The following SLC25A48 variants were observed in gnomAD, a reference collection of about 807,000 sequenced individuals.
SLC25A48 encodes the protein CTC-321K16.1.
SLC25A48 carries 29 observed loss-of-function variants against 32.2 expected under a neutral mutation model. That is an observed-to-expected ratio of 0.90 (90% confidence interval 0.67 to 1.23). SLC25A48 has a LOEUF of 1.23. SLC25A48 is among the 50% of genes most tolerant of loss of function. The pLI is 0.00. For missense variants in SLC25A48, 399 were observed against 422.7 expected (o/e 0.94, Z 0.49); for synonymous variants, 164 against 172.3 (o/e 0.95, Z 0.38).
At position 135,779,622 on chromosome 5, in the gene SLC25A48, A is replaced by G. The variant is rs1756671325; in HGVS notation, c.-520-32901A>G. 2.6e-5 allele frequency among the ~76,000 whole-genome samples: 3 copies of G among 117,236 alleles called. 1 individual carries two copies. The South Asian group carries it at 9.1e-4, about 35-fold the overall frequency. 76.9% of individuals were successfully genotyped at this position (117,236 alleles called of 152,430 possible). ...CACTCCCTACATAATATTGTTTTTA[A>G]TATCCAGAAGTGGAGAGGATGATAT... On this transcript the variant is annotated intron_variant, in intron 3 of 10. Coordinates refer to the SLC25A48 transcript ENST00000646290.
chr5:135,717,788 C>T (rs561684416), intron 3 of SLC25A48, among the ~76,000 whole-genome samples: 4 of 152,260 alleles, frequency 2.6e-5, no homozygotes, highest in South Asian at 4.1e-4. Context: ...GATTTGATTT[C>T]GGACTTCTTG....
At chr5:135,872,687 G>C (rs983413684) in intron 5 of SLC25A48, 1 of 152,272 alleles carries the variant, frequency 6.6e-6, no homozygotes, top group African/African-American at 2.4e-5. Context: ...GAAGCCAAGA[G>C]AGGATACTTT....
intron 3 of SLC25A48, among the ~76,000 whole-genome samples, chr5:135,785,321 A>G (rs995587681): frequency 1.3e-5 from 2 of 151,918 alleles, no homozygotes; most frequent in African/African-American, 4.8e-5. Context: ...CGTAATCTCC[A>G]GGGAGGGAGG....
chr5:135,874,348 A>T (rs1279200417), intron 6 of SLC25A48, among the ~76,000 whole-genome samples, 194 bp downstream of exon 6: 3 of 152,158 alleles, frequency 2.0e-5, no homozygotes, highest in Non-Finnish European at 4.4e-5. Flanking sequence ...AGTGGAGGAG[A>T]TAGGTATGTG....
At chr5:135,608,026 G>T (rs1751978943) in intron 1 of SLC25A48, among the ~76,000 whole-genome samples, 1 of 47,454 alleles carries the variant, frequency 2.1e-5, no homozygotes, top group African/African-American at 8.8e-5. Flanking sequence ...ACATGTGTGT[G>T]AATTTTTAAA....
Position 135,834,814 on chromosome 5 carries a change from C to T in SLC25A48, c.-34C>T. 1 of 1,568,946 alleles carries T rather than the reference C, an allele frequency of 6.4e-7. No individual in the cohort carries two copies. Among genetic ancestry groups the T allele is most frequent in the Non-Finnish European group, 8.6e-7 (1 of 1,157,674 alleles). ...CCCACTGACTCTAAGTGGGCACTGC[C>T]CCGGCTCCGGGAGGGCGAGACCGAG... On this transcript the variant is annotated 5_prime_UTR_variant, in exon 1 of 8. Coordinates refer to ENST00000681962, the MANE Select transcript of SLC25A48 (RefSeq NM_001349336.2).
Position 135,611,496 on chromosome 5 carries a change from CAAAAAAAAAAAAA to C in SLC25A48, c.-848-17722_-848-17710del, listed in dbSNP as rs57138043. Among the ~76,000 whole-genome samples, 6 of 21,344 alleles carry C rather than the reference CAAAAAAAAAAAAA, an allele frequency of 2.8e-4. No homozygotes were observed. The East Asian group carries it at 0.013, about 48-fold the overall frequency. The allele number at this position is 21,344 out of a possible 152,430, so 14.0% of individuals were successfully genotyped here. The stretch of plus-strand genomic sequence containing the variant: ...TCGGTGACAGAGCGAGACTCCATCT[CAAAAAAAAAAAAA>C]AAAAAAAAAAAAAAAAAAGAAAAAG... On this transcript the variant is annotated intron_variant, in intron 1 of 10. Coordinates refer to the SLC25A48 transcript ENST00000646290.
Position 135,623,518 on chromosome 5 carries a change from T to C in SLC25A48, c.-848-5719T>C, listed in dbSNP as rs114471342. On this transcript the variant is annotated intron_variant, in intron 1 of 10. Coordinates refer to the SLC25A48 transcript ENST00000646290. ...CTCAGGGGTGTTGGAGCCATATAAA[T>C]TGGGTATGGACTCCTCTTGTTGTTC... Among the ~76,000 whole-genome samples the C allele has an allele frequency of 5.9e-3, 901 of 152,296 alleles. 11 individuals carry two copies. Among genetic ancestry groups the C allele is most frequent in the African/African-American group, 0.02 (848 of 41,570 alleles).
intron 3 of SLC25A48, chr5:135,650,642 G>T (rs1333623758): frequency 2.8e-5 from 9 of 318,886 alleles, no homozygotes. Context: ...CCCTGGCCAG[G>T]TTCCAGGGAA....
chr5:135,614,381 C>T (rs183079246), intron 1 of SLC25A48, among the ~76,000 whole-genome samples: 2 of 152,176 alleles, frequency 1.3e-5, no homozygotes, highest in African/African-American at 4.8e-5. Flanking sequence ...TTGACTTTCT[C>T]CTTTCCAGTT....
At chr5:135,805,722 G>T (rs1757449067) in intron 3 of SLC25A48, among the ~76,000 whole-genome samples, 1 of 151,592 alleles carries the variant, frequency 6.6e-6, no homozygotes, top group Non-Finnish European at 1.5e-5. Context: ...CCCAGTGGGT[G>T]TACACCCTGT....
At chr5:135,786,734 T>A (rs966996507) in intron 3 of SLC25A48, among the ~76,000 whole-genome samples, 1 of 151,952 alleles carries the variant, frequency 6.6e-6, no homozygotes, top group Non-Finnish European at 1.5e-5. Context: ...CCTGGCGAGA[T>A]GTTATATTTA....
intron 1 of SLC25A48, among the ~76,000 whole-genome samples, chr5:135,627,355 A>G (rs1254196629): frequency 6.6e-6 from 1 of 152,092 alleles, no homozygotes; most frequent in Non-Finnish European, 1.5e-5. Flanking sequence ...TGGTTCTATT[A>G]TCCATGGCCA....
chr5:135,799,500 A>AG (rs930414243), intron 3 of SLC25A48, among the ~76,000 whole-genome samples: 1 of 151,578 alleles, frequency 6.6e-6, no homozygotes, highest in African/African-American at 2.4e-5. Context: ...CCCAATATCC[A>AG]GGGGAAAGAG....
At chr5:135,883,057 C>T (rs1762590701) in intron 7 of SLC25A48, 2 of 985,410 alleles carry the variant, frequency 2.0e-6, no homozygotes, top group African/African-American at 3.5e-5. Context: ...CCTCCTTTTT[C>T]CCAGGGTCTC....
intron 3 of SLC25A48, among the ~76,000 whole-genome samples, chr5:135,740,568 C>T (rs1755477432): frequency 6.6e-6 from 1 of 152,158 alleles, no homozygotes; most frequent in African/African-American, 2.4e-5. Flanking sequence ...CTCCTTGACC[C>T]TGAAAACAGG....
intron 3 of SLC25A48, among the ~76,000 whole-genome samples, chr5:135,788,433 T>C (rs1580880258): frequency 2.0e-5 from 3 of 146,744 alleles, no homozygotes; most frequent in South Asian, 4.4e-4. Flanking sequence ...GCGGCGGGTG[T>C]ACCCCCTCCC....
intron 3 of SLC25A48, among the ~76,000 whole-genome samples, chr5:135,779,661 G>C (rs1756672326): frequency 1.7e-5 from 2 of 117,128 alleles, no homozygotes; most frequent in Non-Finnish European, 4.2e-5. Context: ...TCCCAATATC[G>C]AAGGGGATGT....
intron 3 of SLC25A48, among the ~76,000 whole-genome samples, chr5:135,732,504 C>G (rs1000134397): frequency 2.6e-5 from 4 of 152,124 alleles, no homozygotes; most frequent in African/African-American, 4.8e-5. Context: ...GGGCAAATCC[C>G]CGAGCTTGAT....
Sources: allele counts gnomAD v4.1 joint callset (sites outside exome capture counted in the v4.1 genomes callset), GRCh38; gene constraint gnomAD v4.1.1; transcripts MANE v1.5; gene names NCBI Gene and HGNC (gene_info 2026-07-23, HGNC 2026-07-21).